The following NRXN3 variants were observed in gnomAD, a reference collection of about 807,000 sequenced individuals.
NRXN3 encodes the protein neurexin 3.
Under a neutral mutation model 137.6 loss-of-function variants are expected in NRXN3, and 32 were observed. The ratio of observed to expected loss-of-function variants is 0.23; its 90% confidence interval spans 0.18 to 0.31. The LOEUF (loss-of-function observed/expected upper bound fraction) is 0.31. Among genes scored for constraint, NRXN3 ranks in the 10% least tolerant of loss-of-function variants. NRXN3 has a pLI of 1.00. For missense variants in NRXN3, 1,574 were observed against 2,062.5 expected (o/e 0.76, Z 4.59); for synonymous variants, 798 against 784.5 (o/e 1.02, Z -0.29).
chr14:78,289,273 G>C (rs1478406515), intron 3 of NRXN3, among the ~76,000 whole-genome samples: 1 of 152,214 alleles, frequency 6.6e-6, no homozygotes, highest in Non-Finnish European at 1.5e-5. Context: ...TAGCTTGGCT[G>C]TAGTGGTGAC....
intron 15 of NRXN3, among the ~76,000 whole-genome samples, chr14:79,232,456 C>T (rs991696818): frequency 6.6e-6 from 1 of 152,122 alleles, no homozygotes. Flanking sequence ...AAATCTATAT[C>T]AATTACCCAG....
At chr14:78,622,397 A>C (rs1273887791) in intron 4 of NRXN3, among the ~76,000 whole-genome samples, 1 of 152,120 alleles carries the variant, frequency 6.6e-6, no homozygotes, top group Non-Finnish European at 1.5e-5. Context: ...ATTATGTAAA[A>C]TTCATCCTGT....
At chr14:78,838,888 G>A (rs1025998246) in intron 10 of NRXN3, among the ~76,000 whole-genome samples, 1 of 152,070 alleles carries the variant, frequency 6.6e-6, no homozygotes, top group Non-Finnish European at 1.5e-5. Context: ...AGAAAAAGGT[G>A]GCTTTGTCCA....
At chr14:78,757,834 G>A (rs1217450270) in intron 8 of NRXN3, among the ~76,000 whole-genome samples, 1 of 152,152 alleles carries the variant, frequency 6.6e-6, no homozygotes, top group East Asian at 1.9e-4. Context: ...GCAAAATTGG[G>A]TGAAGGGCAT....
intron 1 of NRXN3, among the ~76,000 whole-genome samples, chr14:78,209,795 T>A (rs561058496): frequency 1.1e-4 from 16 of 152,352 alleles, no homozygotes; most frequent in Non-Finnish European, 1.9e-4. Context: ...TGCTGAGAAG[T>A]GGACTTTCCC....
chr14:78,938,848 C>CTTTTTTTTTTTTTT (rs1255540319), intron 10 of NRXN3, among the ~76,000 whole-genome samples: 2 of 132,038 alleles, frequency 1.5e-5, no homozygotes, highest in Non-Finnish European at 1.6e-5. Flanking sequence ...AGTGATTTTT[C>CTTTTTTTTTTTTTT]TTTTTTTTTT....
intron 19 of NRXN3, among the ~76,000 whole-genome samples, chr14:79,784,783 G>T (rs1474535337): frequency 6.6e-6 from 1 of 151,906 alleles, no homozygotes; most frequent in African/African-American, 2.4e-5. Flanking sequence ...TTCTTCTTTT[G>T]TTATTCTCAT....
intron 2 of NRXN3, among the ~76,000 whole-genome samples, chr14:78,253,760 C>T (rs1039801544): frequency 5.3e-5 from 8 of 152,154 alleles, no homozygotes; most frequent in African/African-American, 1.7e-4. Flanking sequence ...CATTTCTCAT[C>T]CTCCTCTGCA....
At chr14:78,861,634 T>C (rs2099072600) in intron 10 of NRXN3, among the ~76,000 whole-genome samples, 3 of 152,168 alleles carry the variant, frequency 2.0e-5, no homozygotes, top group African/African-American at 7.2e-5. Context: ...ACATACATGA[T>C]GCTGTGCTGT....
At chr14:78,668,738 T>C (rs1263751002) in intron 6 of NRXN3, among the ~76,000 whole-genome samples, 1 of 152,152 alleles carries the variant, frequency 6.6e-6, no homozygotes, top group East Asian at 1.9e-4. Flanking sequence ...TATCAAACTG[T>C]CATTGAGCAT....
rs575240724 is a variant in NRXN3, at chr14:79,338,021, A to G, written c.3263-129200A>G. Among the ~76,000 whole-genome samples the G allele has an allele frequency of 4.1e-4, 63 of 152,208 alleles. 1 individual carries two copies. The highest frequency in any genetic ancestry group is 1.4e-3 in the African/African-American group (57 of 41,534). ...CTGTCTATGCTGGGGAATGTAAAGT[A>G]CAGAAGATTACTTCCTTGGTTCTCC... On this transcript the variant is annotated intron_variant, in intron 15 of 20. Coordinates refer to ENST00000335750, the MANE Select transcript of NRXN3 (RefSeq NM_001330195.2).
chr14:79,432,121 T>A (rs1321026398), intron 15 of NRXN3, among the ~76,000 whole-genome samples: 20 of 1,936 alleles, frequency 0.01, no homozygotes, highest in Non-Finnish European at 0.049. Context: ...CTCATCTCAA[T>A]CATTTTTTTT....
chr14:78,848,837 G>A (rs573569458), intron 10 of NRXN3, among the ~76,000 whole-genome samples: 2 of 152,230 alleles, frequency 1.3e-5, no homozygotes, highest in South Asian at 4.1e-4. Flanking sequence ...GAGTAGCTGG[G>A]AGGAGTTGCT....
In NRXN3 at chr14:78,576,530, G is replaced by C. The variant is rs189441960; in HGVS notation, c.758-68590G>C. Among the ~76,000 whole-genome samples the C allele has an allele frequency of 4.6e-3, 699 of 152,080 alleles. 2 individuals are homozygous for C. Among genetic ancestry groups the C allele is most frequent in the Non-Finnish European group, 8.0e-3 (543 of 67,990 alleles). On this transcript the variant is annotated intron_variant, in intron 4 of 20. Coordinates refer to ENST00000335750, the MANE Select transcript of NRXN3 (RefSeq NM_001330195.2). ...TACTGATCTCGGATAGCTGGCGCTG[G>C]GATGACTCAGGGGATTTGATTCTTC... is the stretch of plus-strand genomic sequence containing the variant.
intron 15 of NRXN3, among the ~76,000 whole-genome samples, chr14:79,109,534 A>G (rs2053091530): frequency 2.0e-5 from 3 of 152,180 alleles, no homozygotes. Flanking sequence ...GAAGGAAATG[A>G]ATATTTAAAC....
At chr14:78,196,654 A>G (rs1026428665) in intron 1 of NRXN3, among the ~76,000 whole-genome samples, 3 of 152,236 alleles carry the variant, frequency 2.0e-5, no homozygotes, top group Admixed American at 2.0e-4. Flanking sequence ...CAGGAGATAC[A>G]GTGGTTCAGA....
At chr14:78,225,742 T>G (rs2064468404) in intron 1 of NRXN3, among the ~76,000 whole-genome samples, 1 of 152,152 alleles carries the variant, frequency 6.6e-6, no homozygotes, top group African/African-American at 2.4e-5. Context: ...CCATGATCTT[T>G]CCTATCCCAC....
chr14:78,995,459 G>A (rs2099528051), intron 15 of NRXN3, among the ~76,000 whole-genome samples: 1 of 152,120 alleles, frequency 6.6e-6, no homozygotes, highest in Admixed American at 6.6e-5. Flanking sequence ...TCATGACTCT[G>A]TCCCTTAATA....
intron 16 of NRXN3, among the ~76,000 whole-genome samples, chr14:79,625,380 G>A (rs1431146838): frequency 1.3e-5 from 2 of 152,056 alleles, no homozygotes; most frequent in African/African-American, 4.8e-5. Flanking sequence ...GGGATGTTTG[G>A]GTTGTTTCCA....
Sources: allele counts gnomAD v4.1 joint callset (sites outside exome capture counted in the v4.1 genomes callset), GRCh38; gene constraint gnomAD v4.1.1; transcripts MANE v1.5; gene names NCBI Gene and HGNC (gene_info 2026-07-23, HGNC 2026-07-21).